LETM1: variants seen among roughly 807,000 people sequenced by gnomAD.
LETM1 encodes the protein mitochondrial proton/calcium exchanger protein.
LETM1 carries 50 observed loss-of-function variants against 74.5 expected under a neutral mutation model. The observed-to-expected ratio is 0.67, with a 90% CI of 0.53 to 0.85. The LOEUF (loss-of-function observed/expected upper bound fraction) is 0.85, where lower values mean the gene tolerates loss of function less well. Ranked by LOEUF, LETM1 falls within the 40% of genes least tolerant of loss-of-function variation. The probability of loss-of-function intolerance (pLI) is 0.00; values close to 1 mark genes in which losing one functional copy is unlikely to be tolerated. For missense variants in LETM1, 824 were observed against 967.8 expected (o/e 0.85, Z 1.97); for synonymous variants, 446 against 407.1 (o/e 1.10, Z -1.15).
Position 1,836,341 on chromosome 4 carries a change from T to C in LETM1, c.738+88A>G. 1 of 1,329,122 alleles carries C rather than the reference T, an allele frequency of 7.5e-7. No individual in the cohort carries two copies. Among genetic ancestry groups the C allele is most frequent in the Non-Finnish European group, 1.1e-6 (1 of 931,616 alleles). The allele number at this position is 1,329,122 out of a possible 1,614,324, so 82.3% of individuals were successfully genotyped here. ...GAAGATACATAAAGTCTCAAAAATA[T>C]CTAGCACCTGAAAAGTCACAAACAA... On this transcript the variant is annotated intron_variant, in intron 4 of 13. Transcript: ENST00000302787. The surrounding 1 kb of genome is among the most constrained non-coding windows in gnomAD (Gnocchi z 5.8).
intron 2 of LETM1, among the ~76,000 whole-genome samples, chr4:1,844,974 G>A (rs1036230260): frequency 3.3e-5 from 5 of 149,556 alleles, no homozygotes; most frequent in African/African-American, 7.4e-5. Flanking sequence ...GGCAGATCAC[G>A]AGGTCAGGAG....
chr4:1,850,644 GAAAAAAAAA>G (rs535769857), intron 1 of LETM1, among the ~76,000 whole-genome samples: 8 of 74,344 alleles, frequency 1.1e-4, no homozygotes, highest in Non-Finnish European at 1.7e-4. Flanking sequence ...CTCTGTCTCA[GAAAAAAAAA>G]AAAAAAAAAA....
intron 11 of LETM1, among the ~76,000 whole-genome samples, chr4:1,817,695 C>T (rs1711624299): frequency 6.6e-6 from 1 of 152,290 alleles, no homozygotes; most frequent in African/African-American, 2.4e-5. Flanking sequence ...AAGCAAAAGA[C>T]ATAGAATCTA....
chr4:1,822,303 CA>C lies in LETM1; in HGVS notation c.1485del (p.Phe495LeufsTer7). 4 of 1,502,582 alleles carry C rather than the reference CA, an allele frequency of 2.7e-6. No individual in the cohort carries two copies. Among genetic ancestry groups the C allele is most frequent in the Admixed American group, 2.1e-5 (1 of 46,792 alleles). The allele number at this position is 1,502,582 out of a possible 1,614,324, so 93.1% of individuals were successfully genotyped here. A position where few individuals can be genotyped will look rare whatever the true frequency, so the allele number is the denominator to read the frequency against. ...GGAGCAGCTACCACACGTTCGGGCT[CA>C]AAATCCTTCTGAAAGGCAAGGCGAC... ...LQKRSEVAKD[F>X]EPERVVAAPQ... On this transcript the variant is annotated frameshift_variant, in exon 10 of 14. Coordinates refer to ENST00000302787, the MANE Select transcript of LETM1 (RefSeq NM_012318.3). LOFTEE classifies it high-confidence loss of function.
At position 1,836,679 on chromosome 4, in the gene LETM1, C is replaced by T. The variant is rs1382617760; in HGVS notation, c.595-107G>A. ...GGTTTATAGGCACAACCTCAGGCAG[C>T]GACTCACAGGACCCACTGAGGACTC... is the stretch of plus-strand genomic sequence containing the variant. On this transcript the variant is annotated intron_variant, in intron 3 of 13. Transcript: ENST00000302787. The surrounding 1 kb of genome is among the most constrained non-coding windows in gnomAD (Gnocchi z 5.8). 1.7e-5 allele frequency: 21 copies of T among 1,220,870 alleles called. No homozygotes were observed. The highest frequency in any genetic ancestry group is 1.4e-4 in the South Asian group (10 of 73,968). 75.6% of individuals were successfully genotyped at this position (1,220,870 alleles called of 1,614,324 possible).
At chr4:1,816,977 G>A (rs1287508358) in intron 11 of LETM1, 63 bp from the exon 12 acceptor site, 1 of 1,369,956 alleles carries the variant, frequency 7.3e-7, no homozygotes, top group African/African-American at 1.4e-5. Context: ...CAGGTGTAGT[G>A]GCTCACGCCT....
At chr4:1,837,297 T>C (rs1257462273) in intron 3 of LETM1, among the ~76,000 whole-genome samples, 3 of 152,142 alleles carry the variant, frequency 2.0e-5, no homozygotes, top group African/African-American at 7.2e-5. Context: ...CTCCTCCTCA[T>C]CAGCCTCTCT....
intron 1 of LETM1, among the ~76,000 whole-genome samples, chr4:1,854,661 C>T (rs1224079852): frequency 2.6e-5 from 4 of 151,618 alleles, no homozygotes; most frequent in African/African-American, 4.9e-5. Flanking sequence ...GTCGTGATGG[C>T]GGGTGCCTAT....
rs560115876 is a variant in LETM1, at chr4:1,845,867, A to T, written c.143+3282T>A. Among the ~76,000 whole-genome samples the T allele has an allele frequency of 1.0e-4, 15 of 147,920 alleles. No individual in the cohort carries two copies. In the South Asian group the frequency reaches 1.3e-3, roughly 13 times the overall value. On this transcript the variant is annotated intron_variant, in intron 2 of 13. Coordinates refer to ENST00000302787, the MANE Select transcript of LETM1 (RefSeq NM_012318.3). ...CCTCATCCATAATTATTATATTATT[A>T]TTTTTTTTGAGACAGACTCTCCCTC...
At position 1,855,939 on chromosome 4, in the gene LETM1, G is replaced by C. The variant is rs542455621; in HGVS notation, c.12C>G (p.Ile4Met). Reference sequence around the variant, plus strand: ...CCCGGCCGCGGCAGCTCCTCAGTAAGATGGACGCCATGTGCTCGGGCGCGG... The same window carrying C: ...CCCGGCCGCGGCAGCTCCTCAGTAACATGGACGCCATGTGCTCGGGCGCGG... MASILLRSCRGRAP... is the reference protein window; with the variant it reads MASMLLRSCRGRAP... Residue 4 changes from isoleucine to methionine, a missense_variant, in exon 1 of 14, where the codon ATC becomes ATG. Physicochemically the swap from Ile to Met is conservative, Grantham distance 10. Around this residue, in one of 4 missense-constraint regions of LETM1, gnomAD observed 222 missense variants for 195.6 expected, o/e 1.14. Coordinates refer to ENST00000302787, the MANE Select transcript of LETM1 (RefSeq NM_012318.3). The C allele has an allele frequency of 1.2e-3, 1,421 of 1,227,192 alleles. 13 individuals carry two copies. The African/African-American group carries it at 0.02, about 18-fold the overall frequency. 76.0% of individuals were successfully genotyped at this position (1,227,192 alleles called of 1,614,324 possible).
rs187078920 is a variant in LETM1, at chr4:1,840,616, C to T, written c.594+731G>A. Among the ~76,000 whole-genome samples the T allele has an allele frequency of 7.6e-3, 1,147 of 151,702 alleles. 15 individuals are homozygous for T. The highest frequency in any genetic ancestry group is 0.026 in the African/African-American group (1,073 of 41,356). On this transcript the variant is annotated intron_variant, in intron 3 of 13. Coordinates refer to ENST00000302787, the MANE Select transcript of LETM1 (RefSeq NM_012318.3). ...CCGGGGGGCGGAGCCTGCAGCGAGC[C>T]GAGATCGCACCACTGCACTCCAGCC...
intron 1 of LETM1, among the ~76,000 whole-genome samples, chr4:1,851,340 G>A (rs150905414): frequency 2.0e-5 from 3 of 152,132 alleles, no homozygotes; most frequent in Non-Finnish European, 2.9e-5. Context: ...CTTTAAGATG[G>A]GGGGAGCTCA....
At chr4:1,853,227 C>A (rs540575175) in intron 1 of LETM1, among the ~76,000 whole-genome samples, 1 of 151,948 alleles carries the variant, frequency 6.6e-6, no homozygotes, top group African/African-American at 2.4e-5. Context: ...TGTCCCCAGG[C>A]GGCTCAGGCC....
At chr4:1,825,716 A>ATAATAAAG in intron 6 of LETM1, 33 bp from the exon 7 acceptor site, 1 of 1,584,860 alleles carries the variant, frequency 6.3e-7, no homozygotes, top group Non-Finnish European at 8.6e-7. Flanking sequence ...ATCATCTGGG[A>ATAATAAAG]CAGTTGCTGG....
chr4:1,831,754 G>C (rs1364158779), intron 6 of LETM1, among the ~76,000 whole-genome samples: 6 of 152,250 alleles, frequency 3.9e-5, no homozygotes, highest in African/African-American at 1.4e-4. Context: ...GCTCACCAGA[G>C]ATGCAGGCAG....
chr4:1,823,010 A>AGCTCCTTCTCACGGTGCTCCTGCT lies in LETM1; in HGVS notation c.1430_1453dup (p.Gln477_Glu484dup). 2 of 1,603,594 alleles carry AGCTCCTTCTCACGGTGCTCCTGCT rather than the reference A, an allele frequency of 1.2e-6. No individual in the cohort carries two copies. The highest frequency in any genetic ancestry group is 1.7e-6 in the Non-Finnish European group (2 of 1,174,012). On this transcript the variant is annotated inframe_insertion, in exon 9 of 14. Coordinates refer to ENST00000302787, the MANE Select transcript of LETM1 (RefSeq NM_012318.3). ...TACCGCCACCTCCGAGCGCTTCTGCAGCTCCTTCTCACGGTGCTCCTGCTG... is the reference window on the plus strand; with the variant it reads ...TACCGCCACCTCCGAGCGCTTCTGCAGCTCCTTCTCACGGTGCTCCTGCTGCTCCTTCTCACGGTGCTCCTGCTG...
chr4:1,845,642 G>A (rs1207516937), intron 2 of LETM1, among the ~76,000 whole-genome samples: 2 of 150,386 alleles, frequency 1.3e-5, no homozygotes, highest in Non-Finnish European at 3.0e-5. Context: ...CCACCTTCCA[G>A]GTTCACGAAG....
chr4:1,828,734 C>A (rs1712126329), intron 6 of LETM1, among the ~76,000 whole-genome samples: 2 of 139,088 alleles, frequency 1.4e-5, no homozygotes, highest in African/African-American at 5.5e-5. Context: ...GGCAGAGGGG[C>A]TCCCCACTTC....
intron 6 of LETM1, among the ~76,000 whole-genome samples, chr4:1,827,532 C>T (rs1324889880): frequency 2.8e-5 from 3 of 107,362 alleles, no homozygotes; most frequent in African/African-American, 7.6e-5. Context: ...TAACAAAGCA[C>T]ATCTTGCACC....
Sources: gnomAD v4.1 joint callset for allele counts (sites outside exome capture counted in the v4.1 genomes callset) on GRCh38, gnomAD v4.1.1 for gene constraint, gnomAD v4.1.1 regional missense constraint, Gnocchi (gnomAD v3.1) non-coding constraint, MANE v1.5 for transcripts, NCBI Gene and HGNC (gene_info 2026-07-23, HGNC 2026-07-21) for gene names.